Variants in CMIP observed in about 807,000 individuals in gnomAD.
The protein encoded by CMIP is C-Maf-inducing protein.
Under a neutral mutation model 97.3 loss-of-function variants are expected in CMIP, and 13 were observed. That is an observed-to-expected ratio of 0.13 (90% CI 0.09 to 0.21). The LOEUF (loss-of-function observed/expected upper bound fraction) is 0.21. CMIP is among the 10% of genes least tolerant of loss of function. The pLI is 1.00. For missense variants in CMIP, 847 were observed against 1,024.9 expected, an observed-to-expected ratio of 0.83 and a Z score of 2.37; for synonymous variants, 538 against 436.3, an observed-to-expected ratio of 1.23 and a Z score of -2.91.
At chr16:81,649,478 A>G (rs2151002083) in intron 3 of CMIP, among the ~76,000 whole-genome samples, 1 of 152,360 alleles carries the variant, frequency 6.6e-6, no homozygotes, top group Non-Finnish European at 1.5e-5. Context: ...GATTGTACTC[A>G]TGGCCACCCA....
At chr16:81,506,125 A>G (rs887208572) in intron 1 of CMIP, among the ~76,000 whole-genome samples, 3 of 152,106 alleles carry the variant, frequency 2.0e-5, no homozygotes, top group African/African-American at 7.2e-5. Context: ...AACAGGTGGG[A>G]CCCCTCTTAG....
intron 1 of CMIP, among the ~76,000 whole-genome samples, chr16:81,526,436 C>T (rs1055823868): frequency 2.0e-5 from 3 of 152,194 alleles, no homozygotes; most frequent in African/African-American, 7.2e-5. Flanking sequence ...TATTTCATTC[C>T]TGTTGTTGTG....
chr16:81,498,197 G>A (rs1409155885), intron 1 of CMIP, among the ~76,000 whole-genome samples: 1 of 152,200 alleles, frequency 6.6e-6, no homozygotes, highest in Non-Finnish European at 1.5e-5. Flanking sequence ...CTGAAAACGT[G>A]GCTCCTTCTA....
chr16:81,525,757 A>G (rs187116069), intron 1 of CMIP, among the ~76,000 whole-genome samples: 6 of 152,328 alleles, frequency 3.9e-5, no homozygotes, highest in Middle Eastern at 3.4e-3. Flanking sequence ...GTCCTCATTA[A>G]ATGATAGCTC....
rs1906367096 is a variant in CMIP, at chr16:81,453,584, A to G, written c.300+8043A>G. Among the ~76,000 whole-genome samples the G allele has an allele frequency of 6.6e-6, 1 of 152,102 alleles. No homozygotes were observed. Among genetic ancestry groups the G allele is most frequent in the Admixed American group, 6.5e-5 (1 of 15,276 alleles). On this transcript the variant is annotated intron_variant, in intron 1 of 20. Coordinates refer to ENST00000537098, the MANE Select transcript of CMIP (RefSeq NM_198390.3). This position sits in a 1 kb window ranked among gnomAD's most constrained non-coding sequence, Gnocchi z 4.0. Reference sequence around the variant, plus strand: ...CTGTGTGGACTAGGTGACCCTGTTTACCAACACACACACCGGTGCGAGGCT... The same window carrying G: ...CTGTGTGGACTAGGTGACCCTGTTTGCCAACACACACACCGGTGCGAGGCT...
intron 1 of CMIP, among the ~76,000 whole-genome samples, chr16:81,602,142 G>T (rs950739818): frequency 1.3e-5 from 2 of 152,204 alleles, no homozygotes; most frequent in African/African-American, 4.8e-5. Flanking sequence ...GAGGGAGGGG[G>T]TGAGAGCAGG....
At chr16:81,496,169 G>T (rs2089487175) in intron 1 of CMIP, among the ~76,000 whole-genome samples, 1 of 152,158 alleles carries the variant, frequency 6.6e-6, no homozygotes, top group Admixed American at 6.5e-5. Context: ...ATGAGTGCTG[G>T]GTGAGTTAAC....
At chr16:81,705,677 C>A in intron 19 of CMIP, 73 bp downstream of exon 19, 2 of 981,744 alleles carry the variant, frequency 2.0e-6, no homozygotes, top group Non-Finnish European at 3.1e-6. Context: ...GCCAAACTGG[C>A]CAAGCACTGA....
At chr16:81,598,634 C>G (rs1324578584) in intron 1 of CMIP, among the ~76,000 whole-genome samples, 2 of 152,182 alleles carry the variant, frequency 1.3e-5, no homozygotes, top group Non-Finnish European at 2.9e-5. Context: ...ATGGTTCTAA[C>G]AGACTGCATG....
At chr16:81,549,277 T>G (rs2090608147) in intron 1 of CMIP, among the ~76,000 whole-genome samples, 1 of 152,210 alleles carries the variant, frequency 6.6e-6, no homozygotes, top group Non-Finnish European at 1.5e-5. Context: ...AGGCAATGAT[T>G]AACCTGGTTG....
intron 2 of CMIP, chr16:81,610,444 G>T: frequency 1.0e-6 from 1 of 986,102 alleles, no homozygotes; most frequent in Non-Finnish European, 1.2e-6. Flanking sequence ...GGAGGAGGAG[G>T]AGGCGGCTTG....
intron 19 of CMIP, among the ~76,000 whole-genome samples, chr16:81,705,827 G>C (rs1017740189): frequency 1.3e-5 from 2 of 152,222 alleles, no homozygotes; most frequent in East Asian, 1.9e-4. Context: ...TTATATTCTA[G>C]AGGCAATAGA....
intron 1 of CMIP, among the ~76,000 whole-genome samples, chr16:81,543,628 C>G (rs1006567655): frequency 2.6e-5 from 4 of 152,166 alleles, no homozygotes; most frequent in African/African-American, 9.7e-5. Flanking sequence ...GTCACTTCCC[C>G]CCGTTCCTCA....
chr16:81,454,264 G>A (rs1340617508), intron 1 of CMIP, among the ~76,000 whole-genome samples: 4 of 152,166 alleles, frequency 2.6e-5, no homozygotes, highest in Non-Finnish European at 1.5e-5. Flanking sequence ...CAATCCTGTG[G>A]GGTAGGTGTT....
At position 81,542,416 on chromosome 16, in the gene CMIP, G is replaced by A. The variant is rs370085491; in HGVS notation, c.301-65151G>A. ...GAGGGTGGGAGATTTGTAGCATGGC[G>A]TAGGTTGGGAGATTGGTAGCATGGC... On this transcript the variant is annotated intron_variant, in intron 1 of 20. Transcript: ENST00000537098. 9.2e-5 allele frequency among the ~76,000 whole-genome samples: 14 copies of A among 152,298 alleles called. No homozygotes were observed. In the East Asian group the frequency reaches 9.6e-4, roughly 10 times the overall value.
At chr16:81,677,690 TC>T (rs1383186149) in intron 9 of CMIP, among the ~76,000 whole-genome samples, 1 of 152,208 alleles carries the variant, frequency 6.6e-6, no homozygotes, top group Non-Finnish European at 1.5e-5. Context: ...AGGCTTCTGT[TC>T]CTCTGGGCAG....
chr16:81,641,484 C>G (rs1047902850), intron 3 of CMIP, among the ~76,000 whole-genome samples: 2 of 152,146 alleles, frequency 1.3e-5, no homozygotes, highest in African/African-American at 2.4e-5. Context: ...GTGCAGCTGG[C>G]CTGAAGAGCC....
chr16:81,661,755 C>T (rs747319802), intron 6 of CMIP, among the ~76,000 whole-genome samples: 7 of 152,166 alleles, frequency 4.6e-5, no homozygotes, highest in African/African-American at 1.7e-4. Context: ...CCCGGCCCCC[C>T]ACCCCTCACC....
At chr16:81,448,112 G>T (rs1184220623) in intron 1 of CMIP, among the ~76,000 whole-genome samples, 1 of 152,220 alleles carries the variant, frequency 6.6e-6, no homozygotes, top group East Asian at 1.9e-4. Flanking sequence ...CGCAGCAGCC[G>T]CTGGCCCAGC....
Sources: gnomAD v4.1 joint callset for allele counts (sites outside exome capture counted in the v4.1 genomes callset) on GRCh38, gnomAD v4.1.1 for gene constraint, Gnocchi (gnomAD v3.1) non-coding constraint, MANE v1.5 for transcripts, NCBI Gene and HGNC (gene_info 2026-07-23, HGNC 2026-07-21) for gene names.